FBXO10: variants seen among roughly 807,000 people sequenced by gnomAD.
FBXO10 encodes the protein F-box protein 10, also known as F-box only protein 10.
A neutral mutation model predicts 80.7 loss-of-function variants in FBXO10; 39 were observed. The ratio of observed to expected loss-of-function variants is 0.48; its 90% confidence interval spans 0.37 to 0.63. FBXO10 has a LOEUF of 0.63. Among genes scored for constraint, FBXO10 ranks in the 30% least tolerant of loss-of-function variants. The pLI is 0.00. For synonymous variants in FBXO10, 449 were observed against 489.6 expected, an observed-to-expected ratio of 0.92 and a Z score of 1.09; for missense variants, 1,025 against 1,269.0, an observed-to-expected ratio of 0.81 and a Z score of 2.92.
intron 1 of FBXO10, among the ~76,000 whole-genome samples, chr9:37,566,057 G>A (rs1822596646): frequency 6.6e-6 from 1 of 152,088 alleles, no homozygotes; most frequent in African/African-American, 2.4e-5. Context: ...TTAATTTGGG[G>A]GACCATGGGG....
chr9:37,513,880 G>A (rs1427595655), intron 10 of FBXO10, among the ~76,000 whole-genome samples: 9 of 152,298 alleles, frequency 5.9e-5, no homozygotes, highest in Admixed American at 2.6e-4. Flanking sequence ...GTGAGCCACC[G>A]CACCCGGCCA....
At chr9:37,544,991 CAAAAAAAA>C (rs59952580) in intron 1 of FBXO10, among the ~76,000 whole-genome samples, 1 of 69,464 alleles carries the variant, frequency 1.4e-5, no homozygotes, top group Non-Finnish European at 2.6e-5. Context: ...GAGACTCTCT[CAAAAAAAA>C]AAAAAAAAAA....
intron 1 of FBXO10, among the ~76,000 whole-genome samples, chr9:37,554,050 C>A (rs1397961018): frequency 6.6e-6 from 1 of 151,772 alleles, no homozygotes. Flanking sequence ...AGTCCAAGGT[C>A]TAATTTAGAT....
At chr9:37,514,783 A>G (rs6476636) in intron 10 of FBXO10, among the ~76,000 whole-genome samples, 66,070 of 151,922 alleles carry the variant, frequency 0.43, 15,846 homozygotes, top group African/African-American at 0.65. Flanking sequence ...GCAGTGAGCC[A>G]AGATCGCACC....
At chr9:37,553,052 ATT>A (rs958106652) in intron 1 of FBXO10, among the ~76,000 whole-genome samples, 12 of 118,464 alleles carry the variant, frequency 1.0e-4, no homozygotes, top group African/African-American at 3.5e-4. Flanking sequence ...GTGTGTGTGT[ATT>A]TTTTTTGAGA....
chr9:37,544,786 A>C (rs1822010179), intron 1 of FBXO10, among the ~76,000 whole-genome samples: 1 of 152,038 alleles, frequency 6.6e-6, no homozygotes, highest in East Asian at 1.9e-4. Flanking sequence ...CGAGGTCAGG[A>C]GATCGAGACC....
At chr9:37,554,352 T>G (rs1822282892) in intron 1 of FBXO10, among the ~76,000 whole-genome samples, 1 of 152,232 alleles carries the variant, frequency 6.6e-6, no homozygotes, top group Non-Finnish European at 1.5e-5. Flanking sequence ...CTGGCTTTTT[T>G]TCATTCAGTG....
intron 1 of FBXO10, among the ~76,000 whole-genome samples, chr9:37,542,004 T>G (rs1028475408): frequency 6.6e-6 from 1 of 152,018 alleles, no homozygotes; most frequent in African/African-American, 2.4e-5. Context: ...TAATTTTGTA[T>G]TTTTAGTAGA....
intron 8 of FBXO10, among the ~76,000 whole-genome samples, chr9:37,519,949 A>G (rs1303118080): frequency 1.3e-5 from 2 of 152,092 alleles, no homozygotes; most frequent in Non-Finnish European, 2.9e-5. Flanking sequence ...CAGCCTCCCT[A>G]GTAGTTGGAA....
chr9:37,515,861 C>T (rs1261099480), intron 10 of FBXO10, 43 bp downstream of exon 10: 1 of 1,586,134 alleles, frequency 6.3e-7, no homozygotes, highest in East Asian at 2.2e-5. Context: ...AGGGAGCTTA[C>T]TGTGGCTCTA....
chr9:37,532,011 G>A lies in FBXO10; in HGVS notation c.1467C>T (p.Ile489=), dbSNP rs758355865. 27 of 1,614,020 alleles carry A rather than the reference G, an allele frequency of 1.7e-5. No homozygotes were observed. Among genetic ancestry groups the A allele is most frequent in the South Asian group, 2.2e-5 (2 of 91,082 alleles). ...NDIYRCRASG[I]FLRLEGGGLI... ...AGCCACCGCCCTCCAAGCGAAGAAA[G>A]ATGCCTGACGCTCGGCAGCGGTAAA... Residue 489 remains isoleucine, a synonymous_variant, in exon 4 of 11, where the codon ATC becomes ATT. Transcript: ENST00000432825.
Position 37,529,134 on chromosome 9 carries a change from G to C in FBXO10, c.1696C>G (p.Pro566Ala), listed in dbSNP as rs1390200700. 3 of 1,613,810 alleles carry C rather than the reference G, an allele frequency of 1.9e-6. No individual in the cohort carries two copies. In the African/African-American group the frequency reaches 4.0e-5, roughly 22 times the overall value. The change falls in exon 5 of 11, where the codon CCC becomes GCC. Residue 566 changes from proline (P) to alanine (A), a missense_variant. By Grantham distance (27) the Pro-to-Ala change is conservative (BLOSUM62 -1). Coordinates refer to ENST00000432825, the MANE Select transcript of FBXO10 (RefSeq NM_012166.3). ...AGIYILYHGNPVVSGNHIFKG... is the reference protein window; with the variant it reads ...AGIYILYHGNAVVSGNHIFKG... ...AACAGCAGCACACACCTCACAACGG[G>C]GTTTCCGTGGTACAGGATGTAAATG...
intron 1 of FBXO10, among the ~76,000 whole-genome samples, chr9:37,575,072 A>G (rs907486880): frequency 1.7e-4 from 26 of 151,924 alleles, no homozygotes; most frequent in African/African-American, 6.0e-4. Flanking sequence ...TGCAAAGGAG[A>G]CAGCTGGATT....
chr9:37,572,105 G>A (rs1822774722), intron 1 of FBXO10, among the ~76,000 whole-genome samples: 1 of 151,972 alleles, frequency 6.6e-6, no homozygotes, highest in African/African-American at 2.4e-5. Context: ...GGGTGACAAA[G>A]CAAGACCCTG....
intron 3 of FBXO10, among the ~76,000 whole-genome samples, chr9:37,536,780 T>C (rs930168637): frequency 3.3e-5 from 5 of 152,154 alleles, no homozygotes; most frequent in Admixed American, 3.3e-4. Flanking sequence ...TTTTCTCTTA[T>C]CCAGGCTTTG....
intron 1 of FBXO10, among the ~76,000 whole-genome samples, chr9:37,550,409 T>G (rs1223629306): frequency 6.6e-6 from 1 of 151,626 alleles, no homozygotes; most frequent in Non-Finnish European, 1.5e-5. Flanking sequence ...GGTCTCAAAC[T>G]CCTGACCTCA....
intron 1 of FBXO10, among the ~76,000 whole-genome samples, chr9:37,575,904 T>A (rs1822883555): frequency 6.6e-6 from 1 of 152,132 alleles, no homozygotes. Flanking sequence ...ACTCGAAAAA[T>A]CTCAGGGCTG....
intron 5 of FBXO10, among the ~76,000 whole-genome samples, chr9:37,527,916 T>G (rs1821514869): frequency 6.6e-6 from 1 of 152,224 alleles, no homozygotes; most frequent in African/African-American, 2.4e-5. Context: ...TATTCCGTAA[T>G]TTTTGAACCA....
chr9:37,536,808 T>C (rs906722814), intron 3 of FBXO10, among the ~76,000 whole-genome samples: 1 of 152,094 alleles, frequency 6.6e-6, no homozygotes, highest in Non-Finnish European at 1.5e-5. Flanking sequence ...TACTCCGACA[T>C]GGTGAGATAT....
Sources: allele counts gnomAD v4.1 joint callset (sites outside exome capture counted in the v4.1 genomes callset), GRCh38; gene constraint gnomAD v4.1.1; transcripts MANE v1.5; gene names NCBI Gene and HGNC (gene_info 2026-07-23, HGNC 2026-07-21).